Variants in FBRSL1 observed in about 807,000 individuals in gnomAD.
FBRSL1 encodes fibrosin-1-like protein.
Under a neutral mutation model 89.6 loss-of-function variants are expected in FBRSL1, and 51 were observed. That is an observed-to-expected ratio of 0.57 (90% CI 0.45 to 0.72). The LOEUF is 0.72. Among genes scored for constraint, FBRSL1 ranks in the 30% least tolerant of loss-of-function variants. FBRSL1 has a pLI of 0.00. For missense variants in FBRSL1, 1,618 were observed against 1,451.8 expected (o/e 1.11, Z -1.86); for synonymous variants, 779 against 681.1 (o/e 1.14, Z -2.24).
In FBRSL1 at chr12:132,583,436, G is replaced by A. The variant is rs1377524369; in HGVS notation, c.2667G>A (p.Glu889=). The stretch of plus-strand genomic sequence containing the variant: ...CGGAGCGCCCCTACCGCGACCGCGA[G>A]CCCCACGGCTACAGCCCCGAGCGCC... ...EPPERPYRDR[E]PHGYSPERLR... is the part of the protein sequence containing the mutation. The change falls in exon 19 of 19, where the codon GAG becomes GAA. Residue 889 remains glutamate (E), a synonymous_variant. Coordinates refer to ENST00000680143, the MANE Select transcript of FBRSL1 (RefSeq NM_001367871.1). The A allele has an allele frequency of 1.9e-6, 2 of 1,070,794 alleles. No individual in the cohort carries two copies. Among genetic ancestry groups the A allele is most frequent in the East Asian group, 8.1e-5 (1 of 12,308 alleles). 66.3% of individuals were successfully genotyped at this position (1,070,794 alleles called of 1,614,324 possible).
At chr12:132,573,966 C>G (rs553362045) in intron 11 of FBRSL1, 124 bp from the exon 12 acceptor site, 11 of 390,914 alleles carry the variant, frequency 2.8e-5, no homozygotes, top group Admixed American at 5.2e-5. Context: ...CCCTGGGAGA[C>G]AGCGTGCGGG....
Position 132,490,749 on chromosome 12 carries a change from C to T in FBRSL1, c.179C>T (p.Ala60Val), listed in dbSNP as rs2030715789. The T allele has an allele frequency of 9.5e-7, 1 of 1,052,946 alleles. No homozygotes were observed. Among genetic ancestry groups the T allele is most frequent in the Non-Finnish European group, 1.1e-6 (1 of 878,786 alleles). 65.2% of individuals were successfully genotyped at this position (1,052,946 alleles called of 1,614,324 possible). A position where few individuals can be genotyped will look rare whatever the true frequency, so the allele number is the denominator to read the frequency against. The stretch of plus-strand genomic sequence containing the variant: ...GCGCCCCCCCGAGGCGCCGCCCCCG[C>T]GCCCCGCACCGCGCGTCCCCCGCGC... ...RGAPPRGAAP[A>V]PRTARPPRRR... The change falls in exon 1 of 19, where the codon GCG (alanine) becomes GTG (valine). Residue 60 changes from alanine to valine, a missense_variant. Physicochemically the swap from Ala to Val is moderately conservative, Grantham distance 64. Transcript: ENST00000680143.
intron 5 of FBRSL1, among the ~76,000 whole-genome samples, chr12:132,561,842 T>A (rs925416617): frequency 1.3e-5 from 2 of 152,184 alleles, no homozygotes; most frequent in African/African-American, 4.8e-5. Context: ...GCCTGGGTGT[T>A]CAGTGCCTGG....
At chr12:132,562,640 C>T (rs1002329755) in intron 5 of FBRSL1, among the ~76,000 whole-genome samples, 3 of 135,536 alleles carry the variant, frequency 2.2e-5, no homozygotes, top group African/African-American at 1.0e-4. Context: ...CCCTTCCCAC[C>T]AGCTGCACCG....
intron 4 of FBRSL1, among the ~76,000 whole-genome samples, chr12:132,538,030 G>A (rs929609598): frequency 6.6e-6 from 1 of 152,288 alleles, no homozygotes; most frequent in South Asian, 2.1e-4. Context: ...GCTGGGACTC[G>A]AAGAAGAGCA....
Position 132,569,944 on chromosome 12 carries a change from C to T in FBRSL1, c.710C>T (p.Ser237Leu), listed in dbSNP as rs776243140. ...TCTGCAGGCCCAGCGCTTGAGAAGTCGGAGGCCAAGGCCGGGCCGGTGCCC... is the reference window on the plus strand; with the variant it reads ...TCTGCAGGCCCAGCGCTTGAGAAGTTGGAGGCCAAGGCCGGGCCGGTGCCC... ...GTDKGPALEK[S>L]EAKAGPVPKV... Residue 237 changes from serine (S) to leucine (L), a missense_variant, in exon 7 of 19, where the codon TCG becomes TTG. Transcript: ENST00000680143. 2.4e-5 allele frequency: 34 copies of T among 1,420,128 alleles called. 1 individual carries two copies. The Middle Eastern group carries it at 3.8e-3, about 161-fold the overall frequency. The allele number at this position is 1,420,128 out of a possible 1,614,324, so 88.0% of individuals were successfully genotyped here. A position where few individuals can be genotyped will look rare whatever the true frequency, so the allele number is the denominator to read the frequency against.
At position 132,507,323 on chromosome 12, in the gene FBRSL1, T is replaced by C. The variant is rs528311017; in HGVS notation, c.292-830T>C. ...CTGGCCGGCTGGCTCCTCTGGACCC[T>C]AAACTTGACGCGCCGTATCTGTCTG... is the stretch of plus-strand genomic sequence containing the variant. On this transcript the variant is annotated intron_variant, in intron 1 of 18. Coordinates refer to ENST00000680143, the MANE Select transcript of FBRSL1 (RefSeq NM_001367871.1). The C allele has an allele frequency of 1.6e-5, 16 of 985,480 alleles. No homozygotes were observed. In the South Asian group the frequency reaches 7.5e-4, roughly 46 times the overall value. 61.0% of individuals were successfully genotyped at this position (985,480 alleles called of 1,614,324 possible). A position where few individuals can be genotyped will look rare whatever the true frequency, so the allele number is the denominator to read the frequency against.
chr12:132,506,979 G>A (rs1395681294), intron 1 of FBRSL1: 1 of 156,316 alleles, frequency 6.4e-6, no homozygotes, highest in African/African-American at 2.4e-5. Flanking sequence ...TCAGACTGGT[G>A]GGGGTGGCGC....
chr12:132,525,733 G>A lies in FBRSL1; in HGVS notation c.490-1G>A. 1 of 1,548,952 alleles carries A rather than the reference G, an allele frequency of 6.5e-7. No individual in the cohort carries two copies. The highest frequency in any genetic ancestry group is 8.7e-7 in the Non-Finnish European group (1 of 1,145,446). On this transcript the variant is annotated splice_acceptor_variant, in intron 2 of 18. Coordinates refer to ENST00000680143, the MANE Select transcript of FBRSL1 (RefSeq NM_001367871.1). LOFTEE classifies it high-confidence loss of function. Reference sequence around the variant, plus strand: ...TGAGACAGTGTCTCTCTCTGTCCCAGATGAAGGTCACCGTGTCCAAAGGGG... The same window carrying A: ...TGAGACAGTGTCTCTCTCTGTCCCAAATGAAGGTCACCGTGTCCAAAGGGG...
intron 3 of FBRSL1, 135 bp downstream of exon 3, chr12:132,525,958 TG>T: frequency 1.4e-6 from 1 of 701,020 alleles, no homozygotes. Flanking sequence ...AGTCCGAGTC[TG>T]GGCCCCCTGC....
intron 5 of FBRSL1, among the ~76,000 whole-genome samples, chr12:132,549,619 A>C (rs2037980378): frequency 6.6e-6 from 1 of 152,196 alleles, no homozygotes; most frequent in South Asian, 2.1e-4. Flanking sequence ...CCTGGGGCCT[A>C]CTGGGGGCTC....
At chr12:132,529,275 T>C (rs2136985492) in intron 4 of FBRSL1, among the ~76,000 whole-genome samples, 1 of 152,272 alleles carries the variant, frequency 6.6e-6, no homozygotes. Flanking sequence ...CACAGCCTGG[T>C]GGGGACGGCC....
At chr12:132,496,794 T>A (rs1387573244) in intron 1 of FBRSL1, among the ~76,000 whole-genome samples, 1 of 148,208 alleles carries the variant, frequency 6.7e-6, no homozygotes, top group African/African-American at 2.5e-5. Context: ...GGGGTGACCC[T>A]GCTCACCCAG....
At chr12:132,497,203 C>G (rs2032182430) in intron 1 of FBRSL1, among the ~76,000 whole-genome samples, 1 of 152,204 alleles carries the variant, frequency 6.6e-6, no homozygotes, top group African/African-American at 2.4e-5. Context: ...TACTCGGGTC[C>G]CAGCACTCCA....
chr12:132,516,227 A>G (rs2034830157), intron 2 of FBRSL1, among the ~76,000 whole-genome samples: 3 of 147,236 alleles, frequency 2.0e-5, no homozygotes, highest in East Asian at 2.0e-4. Context: ...GTCTTGCTCT[A>G]TCACCCAGGC....
intron 1 of FBRSL1, among the ~76,000 whole-genome samples, chr12:132,500,881 G>T (rs1017146425): frequency 5.3e-5 from 8 of 152,178 alleles, no homozygotes; most frequent in Non-Finnish European, 1.2e-4. Flanking sequence ...CTTGGCCCCT[G>T]CCCCAGTTGC....
intron 2 of FBRSL1, among the ~76,000 whole-genome samples, chr12:132,524,570 C>T (rs538527536): frequency 6.6e-6 from 1 of 152,246 alleles, no homozygotes; most frequent in Non-Finnish European, 1.5e-5. Flanking sequence ...GACGGGTTTC[C>T]CCGGGCTGGG....
At chr12:132,574,044 C>T in intron 11 of FBRSL1, 46 bp from the exon 12 acceptor site, 1 of 1,200,290 alleles carries the variant, frequency 8.3e-7, no homozygotes. Context: ...CGTCCTCCTG[C>T]CTGGGCGGCC....
At position 132,490,737 on chromosome 12, in the gene FBRSL1, G is replaced by T; in HGVS notation, c.167G>T (p.Gly56Val). 1 of 1,001,100 alleles carries T rather than the reference G, an allele frequency of 1.0e-6. No homozygotes were observed. Among genetic ancestry groups the T allele is most frequent in the East Asian group, 1.0e-4 (1 of 9,926 alleles). 62.0% of individuals were successfully genotyped at this position (1,001,100 alleles called of 1,614,324 possible). A position where few individuals can be genotyped will look rare whatever the true frequency, so the allele number is the denominator to read the frequency against. ...NAGLRGAPPR[G>V]AAPAPRTARP... is the part of the protein sequence containing the mutation. ...GGCCTCCGCGGCGCGCCCCCCCGAG[G>T]CGCCGCCCCCGCGCCCCGCACCGCG... Residue 56 changes from glycine to valine, a missense_variant, in exon 1 of 19, where the codon GGC becomes GTC. Transcript: ENST00000680143.
Sources: gnomAD v4.1 joint callset for allele counts (sites outside exome capture counted in the v4.1 genomes callset) on GRCh38, gnomAD v4.1.1 for gene constraint, MANE v1.5 for transcripts, NCBI Gene and HGNC (gene_info 2026-07-23, HGNC 2026-07-21) for gene names.